The following HCN1 variants were observed in gnomAD, a reference collection of about 807,000 sequenced individuals.
The protein encoded by HCN1 is hyperpolarization activated cyclic nucleotide gated potassium channel 1.
HCN1 carries 13 observed loss-of-function variants against 78.9 expected under a neutral mutation model. The observed-to-expected ratio is 0.16, with a 90% CI of 0.11 to 0.26. The LOEUF (loss-of-function observed/expected upper bound fraction) is 0.26, where lower values mean the gene tolerates loss of function less well. HCN1 is among the 10% of genes least tolerant of loss of function. The probability of loss-of-function intolerance (pLI) is 1.00; values close to 1 mark genes in which losing one functional copy is unlikely to be tolerated. For synonymous variants in HCN1, 552 were observed against 455.5 expected (o/e 1.21, Z -2.70); for missense variants, 810 against 1,154.3 (o/e 0.70, Z 4.32).
At chr5:45,431,745 G>A (rs1030287695) in intron 3 of HCN1, among the ~76,000 whole-genome samples, 1 of 152,142 alleles carries the variant, frequency 6.6e-6, no homozygotes, top group Admixed American at 6.5e-5. Flanking sequence ...GATGATTATA[G>A]GTGTGTAGCA....
intron 2 of HCN1, among the ~76,000 whole-genome samples, chr5:45,534,942 A>G (rs1742936999): frequency 6.6e-6 from 1 of 152,226 alleles, no homozygotes; most frequent in African/African-American, 2.4e-5. Context: ...TAACAGGCAC[A>G]TACATTAATC....
chr5:45,339,430 C>T (rs988865525), intron 5 of HCN1, among the ~76,000 whole-genome samples: 18 of 152,036 alleles, frequency 1.2e-4, no homozygotes, highest in African/African-American at 4.1e-4. Flanking sequence ...GGCAAAAAGG[C>T]CATCAATAGC....
intron 2 of HCN1, among the ~76,000 whole-genome samples, chr5:45,512,438 C>T (rs955752738): frequency 1.3e-5 from 2 of 151,828 alleles, no homozygotes; most frequent in Non-Finnish European, 2.9e-5. Context: ...GAAAGCTGGC[C>T]CCATAGGGCT....
chr5:45,262,505 A>G lies in HCN1; in HGVS notation c.2089T>C (p.Cys697Arg). 1 of 1,613,454 alleles carries G rather than the reference A, an allele frequency of 6.2e-7. No homozygotes were observed. Among genetic ancestry groups the G allele is most frequent in the Non-Finnish European group, 8.5e-7 (1 of 1,179,888 alleles). The change falls in exon 8 of 8, where the codon TGC becomes CGC. Residue 697 changes from cysteine to arginine, a missense_variant. Transcript: ENST00000303230. ...CTGCAGACCGCGGTGGTGTAGGAGC[A>G]GGGTGACAGGATGGCTGATGGCTGG... ...TPQPSAILSP[C>R]SYTTAVCSPP...
intron 6 of HCN1, among the ~76,000 whole-genome samples, chr5:45,298,087 G>A (rs555735927): frequency 1.3e-5 from 2 of 152,066 alleles, no homozygotes; most frequent in South Asian, 2.1e-4. Context: ...TTGAATATGT[G>A]TCACCTTCAA....
chr5:45,678,427 A>T (rs1321194398), intron 1 of HCN1, among the ~76,000 whole-genome samples: 2 of 151,946 alleles, frequency 1.3e-5, no homozygotes, highest in Non-Finnish European at 2.9e-5. Flanking sequence ...ATAAACTCCA[A>T]TTTATAAGCT....
intron 4 of HCN1, among the ~76,000 whole-genome samples, chr5:45,380,456 A>C (rs1429247521): frequency 1.6e-4 from 24 of 152,140 alleles, no homozygotes; most frequent in Admixed American, 1.6e-3. Flanking sequence ...TATGTCTAGA[A>C]AACATTCTGG....
chr5:45,263,105 G>A (rs914344757), intron 7 of HCN1, among the ~76,000 whole-genome samples: 8 of 152,170 alleles, frequency 5.3e-5, no homozygotes, highest in African/African-American at 1.9e-4. Flanking sequence ...AAGAATGGGG[G>A]AAGAAAGGGC....
chr5:45,579,506 C>T (rs966700334), intron 2 of HCN1, among the ~76,000 whole-genome samples: 1 of 151,764 alleles, frequency 6.6e-6, no homozygotes, highest in Admixed American at 6.6e-5. Flanking sequence ...CGCAAAGATC[C>T]TAATACTTAA....
At chr5:45,438,419 C>T (rs1308940786) in intron 3 of HCN1, among the ~76,000 whole-genome samples, 2 of 151,824 alleles carry the variant, frequency 1.3e-5, no homozygotes, top group Non-Finnish European at 2.9e-5. Flanking sequence ...GGTGAAACCC[C>T]GTCTCTACTA....
chr5:45,346,422 C>T (rs1012949331), intron 5 of HCN1, among the ~76,000 whole-genome samples: 22 of 152,150 alleles, frequency 1.4e-4, no homozygotes, highest in Non-Finnish European at 3.1e-4. Context: ...GTCTACAGCT[C>T]CCAGCGTGAG....
Position 45,259,570 on chromosome 5 carries a change from T to G in HCN1, c.*2351A>C, listed in dbSNP as rs1405450043. 4 of 152,280 alleles carry G rather than the reference T, an allele frequency of 2.6e-5. No individual in the cohort carries two copies. The highest frequency in any genetic ancestry group is 9.7e-5 in the African/African-American group (4 of 41,404). 9.4% of individuals were successfully genotyped at this position (152,280 alleles called of 1,614,324 possible). A position where few individuals can be genotyped will look rare whatever the true frequency, so the allele number is the denominator to read the frequency against. On this transcript the variant is annotated 3_prime_UTR_variant, in exon 8 of 8. Coordinates refer to ENST00000303230, the MANE Select transcript of HCN1 (RefSeq NM_021072.4). ...AAGTATATATACATTCATACATATA[T>G]GTATATAATTTACCCTGTACCTTTT... is the stretch of plus-strand genomic sequence containing the variant.
chr5:45,644,467 C>T (rs140287867), intron 2 of HCN1: 19 of 152,296 alleles, frequency 1.2e-4, no homozygotes, highest in African/African-American at 4.1e-4. Flanking sequence ...TCTCAGGTCC[C>T]ACCCACTGCC....
chr5:45,372,634 AT>A (rs1747430451), intron 4 of HCN1, among the ~76,000 whole-genome samples: 5 of 114,520 alleles, frequency 4.4e-5, no homozygotes, highest in African/African-American at 1.3e-4. Flanking sequence ...TATATAAAAC[AT>A]TTTATATAAA....
chr5:45,422,354 C>G (rs964934380), intron 3 of HCN1, among the ~76,000 whole-genome samples: 6 of 152,008 alleles, frequency 3.9e-5, no homozygotes, highest in African/African-American at 1.2e-4. Context: ...TAATATTTTT[C>G]TCTTGTTAAT....
chr5:45,613,312 T>C (rs970285330), intron 2 of HCN1, among the ~76,000 whole-genome samples: 4 of 152,088 alleles, frequency 2.6e-5, no homozygotes, highest in Admixed American at 1.3e-4. Context: ...ATTTCATCCA[T>C]GTCCCTACAA....
At chr5:45,545,899 A>G (rs1276517351) in intron 2 of HCN1, among the ~76,000 whole-genome samples, 1 of 152,120 alleles carries the variant, frequency 6.6e-6, no homozygotes, top group African/African-American at 2.4e-5. Flanking sequence ...CTGACACCTC[A>G]GATGTGTTTT....
intron 2 of HCN1, among the ~76,000 whole-genome samples, chr5:45,510,372 A>T (rs1438848750): frequency 6.6e-6 from 1 of 152,114 alleles, no homozygotes; most frequent in African/African-American, 2.4e-5. Context: ...GGAACATTCT[A>T]TTATATGACT....
intron 5 of HCN1, among the ~76,000 whole-genome samples, chr5:45,342,289 A>G (rs1180230961): frequency 6.7e-6 from 1 of 148,406 alleles, no homozygotes; most frequent in Non-Finnish European, 1.5e-5. Context: ...GCAGCAGTGC[A>G]GTGGATCTCA....
Sources: gnomAD v4.1 joint callset for allele counts (sites outside exome capture counted in the v4.1 genomes callset) on GRCh38, gnomAD v4.1.1 for gene constraint, MANE v1.5 for transcripts, NCBI Gene and HGNC (gene_info 2026-07-23, HGNC 2026-07-21) for gene names.